FAM193B: variants seen among roughly 807,000 people sequenced by gnomAD.
The protein encoded by FAM193B is family with sequence similarity 193 member B, also known as protein FAM193B.
Under a neutral mutation model 70.7 loss-of-function variants are expected in FAM193B, and 27 were observed. That is an observed-to-expected ratio of 0.38 (90% CI 0.28 to 0.53). The LOEUF (loss-of-function observed/expected upper bound fraction) is 0.53, where lower values mean the gene tolerates loss of function less well. Among genes scored for constraint, FAM193B ranks in the 20% least tolerant of loss-of-function variants. The pLI is 0.81. For missense variants in FAM193B, 1,022 were observed against 1,072.5 expected (o/e 0.95, Z 0.66); for synonymous variants, 448 against 436.0 (o/e 1.03, Z -0.34).
rs1766776294 is a variant in FAM193B, at chr5:177,554,408, C to A, written c.51G>T (p.Arg17=). 9.7e-6 allele frequency: 11 copies of A among 1,133,140 alleles called. No individual in the cohort carries two copies. The South Asian group carries it at 4.7e-4, about 48-fold the overall frequency. The allele number at this position is 1,133,140 out of a possible 1,614,324, so 70.2% of individuals were successfully genotyped here. A position where few individuals can be genotyped will look rare whatever the true frequency, so the allele number is the denominator to read the frequency against. ...GCTTCTGCGGCCCCGCGGCCCGAGC[C>A]CGCTCGCGCCTGCCCGCACCGCCGC... ...RPSGGAGRRE[R]ARAAGPQKPQ... Residue 17 remains arginine, a synonymous_variant, in exon 1 of 9, where the codon CGG becomes CGT. Transcript: ENST00000514747.
At chr5:177,528,907 G>C (rs1239251030) in intron 5 of FAM193B, among the ~76,000 whole-genome samples, 1 of 152,144 alleles carries the variant, frequency 6.6e-6, no homozygotes, top group Non-Finnish European at 1.5e-5. Flanking sequence ...GCCAGGCTGG[G>C]GTGGAACCCA....
chr5:177,554,284 C>G lies in FAM193B; in HGVS notation c.175G>C (p.Glu59Gln). The stretch of plus-strand genomic sequence containing the variant: ...GGCACCAGGTTGGGTTCGTCATCCT[C>G]CCTGGGGCCGTCGTGGTCGGGCTCC... ...PAEPDHDGPR[E>Q]DDEPNLVPGP... The change falls in exon 1 of 9, where the codon GAG becomes CAG. Residue 59 changes from glutamate to glutamine, a missense_variant. By Grantham distance (29) the Glu-to-Gln change is conservative. Coordinates refer to ENST00000514747, the MANE Select transcript of FAM193B (RefSeq NM_001190946.3). The G allele has an allele frequency of 7.0e-7, 1 of 1,418,888 alleles. No homozygotes were observed. Among genetic ancestry groups the G allele is most frequent in the East Asian group, 3.1e-5 (1 of 32,768 alleles). 87.9% of individuals were successfully genotyped at this position (1,418,888 alleles called of 1,614,324 possible). A position where few individuals can be genotyped will look rare whatever the true frequency, so the allele number is the denominator to read the frequency against.
chr5:177,524,365 G>A lies in FAM193B; in HGVS notation c.2116C>T (p.Pro706Ser). ...CTGCCCTTCTCCTTCTCAGTTTTGG[G>A]ACTGCCAGCCCAACCTGGTCCTGGC... Reference protein sequence around the residue: ...SRPGPGWAGSPKTEKEKGSSW... With the variant: ...SRPGPGWAGSSKTEKEKGSSW... Residue 706 changes from proline (P) to serine (S), a missense_variant, in exon 6 of 9, where the codon CCC (proline) becomes TCC (serine). Physicochemically the swap from Pro to Ser is moderately conservative, Grantham distance 74. Transcript: ENST00000514747. 6.4e-7 allele frequency: 1 copy of A among 1,573,618 alleles called. No individual in the cohort carries two copies. The highest frequency in any genetic ancestry group is 2.3e-5 in the East Asian group (1 of 43,742).
chr5:177,538,490 C>T lies in FAM193B; in HGVS notation c.454-383G>A, dbSNP rs1764453510. Among the ~76,000 whole-genome samples, 1 of 152,228 alleles carries T rather than the reference C, an allele frequency of 6.6e-6. No individual in the cohort carries two copies. Among genetic ancestry groups the T allele is most frequent in the Non-Finnish European group, 1.5e-5 (1 of 68,040 alleles). On this transcript the variant is annotated intron_variant, in intron 2 of 8. Coordinates refer to ENST00000514747, the MANE Select transcript of FAM193B (RefSeq NM_001190946.3). The surrounding 1 kb of genome is among the most constrained non-coding windows in gnomAD (Gnocchi z 4.1). ...CAGCGACGTGAGAAATGAGGAAAGT[C>T]TGGCCATCGTGATTCATGAAACAGC...
chr5:177,544,246 TA>T (rs1765167009), intron 1 of FAM193B, among the ~76,000 whole-genome samples: 1 of 152,212 alleles, frequency 6.6e-6, no homozygotes, highest in African/African-American at 2.4e-5. Context: ...CTCTAGGGCC[TA>T]GGGGGCTGGC....
chr5:177,524,200 G>C lies in FAM193B; in HGVS notation c.2281C>G (p.Pro761Ala), dbSNP rs1762219726. Reference protein sequence around the residue: ...SRRSRNKQEKPASSLDDVFLP... With the variant: ...SRRSRNKQEKAASSLDDVFLP... ...GTGCACTCACCCAAGGAGGAGGCTG[G>C]CTTCTCCTGCTTGTTGCGGCTCCGG... Residue 761 changes from proline to alanine, a missense_variant, in exon 6 of 9, where the codon CCA (proline) becomes GCA (alanine). Physicochemically the swap from Pro to Ala is conservative, Grantham distance 27 (BLOSUM62 -1). Transcript: ENST00000514747. The C allele has an allele frequency of 1.3e-6, 2 of 1,555,024 alleles. No individual in the cohort carries two copies. Among genetic ancestry groups the C allele is most frequent in the African/African-American group, 1.4e-5 (1 of 73,158 alleles).
At chr5:177,540,995 A>G (rs1375401735) in intron 1 of FAM193B, among the ~76,000 whole-genome samples, 1 of 152,218 alleles carries the variant, frequency 6.6e-6, no homozygotes, top group East Asian at 1.9e-4. Context: ...TGGTTTCTCA[A>G]AAAAGAAAGG....
chr5:177,542,624 G>A (rs335458), intron 1 of FAM193B, among the ~76,000 whole-genome samples: 63,018 of 151,990 alleles, frequency 0.41, 13,523 homozygotes, highest in Non-Finnish European at 0.47. Flanking sequence ...TCATGCTTTC[G>A]CTAAAGGTGA....
At position 177,554,354 on chromosome 5, in the gene FAM193B, T is replaced by TGGC; in HGVS notation, c.102_104dup (p.Pro35dup). On this transcript the variant is annotated inframe_insertion, in exon 1 of 9. Transcript: ENST00000514747. ...CTGCACCCGCTCCCGCCTCCAGGCT[T>TGGC]GGCGGCGGCGGGGGCTCGGGCGCCT... 1.6e-6 allele frequency: 2 copies of TGGC among 1,227,018 alleles called. No individual in the cohort carries two copies. Among genetic ancestry groups the TGGC allele is most frequent in the East Asian group, 3.2e-5 (1 of 30,816 alleles). The allele number at this position is 1,227,018 out of a possible 1,614,324, so 76.0% of individuals were successfully genotyped here. A position where few individuals can be genotyped will look rare whatever the true frequency, so the allele number is the denominator to read the frequency against.
intron 4 of FAM193B, among the ~76,000 whole-genome samples, chr5:177,533,586 G>A (rs548127251): frequency 3.3e-5 from 5 of 152,114 alleles, no homozygotes; most frequent in African/African-American, 7.2e-5. Context: ...GATTACAGGC[G>A]TGAGCCACTG....
chr5:177,532,101 C>T lies in FAM193B; in HGVS notation c.1275+342G>A. 1 of 1,312,620 alleles carries T rather than the reference C, an allele frequency of 7.6e-7. No individual in the cohort carries two copies. The highest frequency in any genetic ancestry group is 1.5e-5 in the African/African-American group (1 of 67,062). 81.3% of individuals were successfully genotyped at this position (1,312,620 alleles called of 1,614,324 possible). A position where few individuals can be genotyped will look rare whatever the true frequency, so the allele number is the denominator to read the frequency against. ...GACTGAGAGCCTTTTTGCTTCCACT[C>T]TGCCTTCATCACTCCCAAGCGTTCA... On this transcript the variant is annotated intron_variant, in intron 5 of 8. Transcript: ENST00000514747. The surrounding 1 kb of genome is among the most constrained non-coding windows in gnomAD (Gnocchi z 4.9).
At chr5:177,548,481 T>C (rs968787686) in intron 1 of FAM193B, among the ~76,000 whole-genome samples, 1 of 152,230 alleles carries the variant, frequency 6.6e-6, no homozygotes, top group Non-Finnish European at 1.5e-5. Context: ...TGTTCTTGTT[T>C]ATGGAAAAGC....
chr5:177,527,262 G>A (rs912286906), intron 5 of FAM193B, among the ~76,000 whole-genome samples: 11 of 152,232 alleles, frequency 7.2e-5, no homozygotes, highest in Non-Finnish European at 1.5e-4. Flanking sequence ...GGGGTTGGGT[G>A]GGGCAGGTGG....
intron 3 of FAM193B, 52 bp downstream of exon 3, chr5:177,537,821 A>C: frequency 6.5e-7 from 1 of 1,544,118 alleles, no homozygotes. Context: ...ATAGGAAAAC[A>C]CAGCTGTCCA....
chr5:177,541,379 T>A (rs1457227428), intron 1 of FAM193B, among the ~76,000 whole-genome samples: 1 of 152,214 alleles, frequency 6.6e-6, no homozygotes, highest in African/African-American at 2.4e-5. Context: ...CGAAAGTCAG[T>A]ACATACAATT....
chr5:177,553,406 G>C, intron 1 of FAM193B: 1 of 1,036,100 alleles, frequency 9.7e-7, no homozygotes, highest in South Asian at 3.0e-5. Flanking sequence ...AGCAAGCTTA[G>C]GGAGAGCCAC....
rs1215446389 is a variant in FAM193B, at chr5:177,554,477, C to G, written c.-19G>C. 12 of 910,358 alleles carry G rather than the reference C, an allele frequency of 1.3e-5. No individual in the cohort carries two copies. The African/African-American group carries it at 3.7e-4, about 28-fold the overall frequency. 56.4% of individuals were successfully genotyped at this position (910,358 alleles called of 1,614,324 possible). ...GCGTCATGCCGCCGCTCGCGCCGCTCCCTCGCTCCACACGCCGCCGCCGCC... is the reference window on the plus strand; with the variant it reads ...GCGTCATGCCGCCGCTCGCGCCGCTGCCTCGCTCCACACGCCGCCGCCGCC... On this transcript the variant is annotated 5_prime_UTR_variant, in exon 1 of 9. Transcript: ENST00000514747.
rs1409920386 is a variant in FAM193B, at chr5:177,530,676, C to T, written c.1275+1767G>A. On this transcript the variant is annotated intron_variant, in intron 5 of 8. Coordinates refer to ENST00000514747, the MANE Select transcript of FAM193B (RefSeq NM_001190946.3). ...TAAAACCCTCAGTGACTTCTCTCAC[C>T]GGTAGGATAAAGCCACAGCTCTTCC... 2.6e-5 allele frequency among the ~76,000 whole-genome samples: 4 copies of T among 152,162 alleles called. No individual in the cohort carries two copies. In the East Asian group the frequency reaches 5.8e-4, roughly 22 times the overall value.
At chr5:177,522,762 T>G (rs911085821) in intron 7 of FAM193B, among the ~76,000 whole-genome samples, 1 of 152,266 alleles carries the variant, frequency 6.6e-6, no homozygotes, top group Non-Finnish European at 1.5e-5. Flanking sequence ...TTACCCAGGC[T>G]GAAGTGCAAT....
Sources: allele counts gnomAD v4.1 joint callset (sites outside exome capture counted in the v4.1 genomes callset), GRCh38; gene constraint gnomAD v4.1.1; non-coding constraint Gnocchi (gnomAD v3.1); transcripts MANE v1.5; gene names NCBI Gene and HGNC (gene_info 2026-07-23, HGNC 2026-07-21).